Variants in UBE3A observed in about 807,000 individuals in gnomAD.
The protein encoded by UBE3A is ubiquitin-protein ligase E3A.
UBE3A carries 6 observed loss-of-function variants against 83.4 expected under a neutral mutation model. The observed-to-expected ratio is 0.07, with a 90% CI of 0.04 to 0.14. The LOEUF (loss-of-function observed/expected upper bound fraction) is 0.14. Ranked by LOEUF, UBE3A falls within the 10% of genes least tolerant of loss-of-function variation. The pLI is 1.00. For synonymous variants in UBE3A, 337 were observed against 355.4 expected (o/e 0.95, Z 0.58); for missense variants, 456 against 1,036.1 (o/e 0.44, Z 7.69).
At chr15:25,397,402 CATCT>C (rs1196200732) in intron 4 of UBE3A, among the ~76,000 whole-genome samples, 3 of 152,282 alleles carry the variant, frequency 2.0e-5, no homozygotes, top group African/African-American at 7.2e-5. Context: ...ATGCAAGCTT[CATCT>C]ATCCTCTTCC....
chr15:25,384,399 T>G (rs1450427025), intron 4 of UBE3A, among the ~76,000 whole-genome samples: 1 of 142,650 alleles, frequency 7.0e-6, no homozygotes, highest in Non-Finnish European at 1.5e-5. Flanking sequence ...GAGGCAGAGG[T>G]GCAGTGAGCC....
At chr15:25,437,908 C>G (rs1895615710) in intron 1 of UBE3A, 1 of 152,370 alleles carries the variant, frequency 6.6e-6, no homozygotes, top group East Asian at 1.9e-4. Context: ...ACAGCAGTCT[C>G]TGGCAAAGCC....
intron 4 of UBE3A, among the ~76,000 whole-genome samples, chr15:25,382,975 ACT>A (rs2082455902): frequency 6.6e-6 from 1 of 151,748 alleles, no homozygotes; most frequent in Non-Finnish European, 1.5e-5. Context: ...TTCACTGAAA[ACT>A]CTACCAAACA....
In UBE3A at chr15:25,371,272, A is replaced by G; in HGVS notation, c.902T>C (p.Met301Thr). Reference protein sequence around the residue: ...RNLHSPEYLEMALPLFCKAMS... With the variant: ...RNLHSPEYLETALPLFCKAMS... The stretch of plus-strand genomic sequence containing the variant: ...CGCTTTGCAAAATAATGGCAAAGCC[A>G]TTTCCAGATATTCAGGACTGTGGAG... The change falls in exon 6 of 13, where the codon ATG becomes ACG. Residue 301 changes from methionine (M) to threonine (T), a missense_variant. Transcript: ENST00000648336. The surrounding 1 kb of genome is among the most constrained non-coding windows in gnomAD (Gnocchi z 5.3). The G allele has an allele frequency of 6.2e-7, 1 of 1,614,186 alleles. No homozygotes were observed. Among genetic ancestry groups the G allele is most frequent in the South Asian group, 1.1e-5 (1 of 91,082 alleles).
chr15:25,404,622 A>G (rs956497549), intron 4 of UBE3A, among the ~76,000 whole-genome samples: 21 of 152,066 alleles, frequency 1.4e-4, no homozygotes, highest in African/African-American at 4.8e-4. Flanking sequence ...CCTTACCACC[A>G]CACGTTTCTC....
chr15:25,398,167 C>CAAAAAAAAAAAA (rs71127052), intron 4 of UBE3A, among the ~76,000 whole-genome samples: 14 of 99,212 alleles, frequency 1.4e-4, no homozygotes, highest in African/African-American at 7.0e-4. Context: ...GACTCTGTCT[C>CAAAAAAAAAAAA]AAAAAAAAAA....
At chr15:25,385,026 G>T (rs1179383661) in intron 4 of UBE3A, among the ~76,000 whole-genome samples, 1 of 152,144 alleles carries the variant, frequency 6.6e-6, no homozygotes, top group Non-Finnish European at 1.5e-5. Context: ...TGGAGAAAAA[G>T]CTTCATGACA....
At chr15:25,413,557 T>C (rs2153096187) in intron 1 of UBE3A, among the ~76,000 whole-genome samples, 1 of 152,324 alleles carries the variant, frequency 6.6e-6, no homozygotes, top group Admixed American at 6.5e-5. Context: ...TTTCTCCTTA[T>C]TCCAGTCCAT....
intron 4 of UBE3A, among the ~76,000 whole-genome samples, chr15:25,377,095 A>C (rs2081350804): frequency 6.6e-6 from 1 of 152,230 alleles, no homozygotes; most frequent in Non-Finnish European, 1.5e-5. Flanking sequence ...TGATTTTCAA[A>C]ACATTCACAG....
chr15:25,437,836 T>C (rs1895573016), intron 1 of UBE3A, among the ~76,000 whole-genome samples: 1 of 150,722 alleles, frequency 6.6e-6, no homozygotes, highest in South Asian at 2.1e-4. Context: ...TCCTTTTCAT[T>C]TTCTACACTG....
intron 4 of UBE3A, among the ~76,000 whole-genome samples, chr15:25,385,761 TC>T: frequency 6.6e-6 from 1 of 152,030 alleles, no homozygotes; most frequent in Non-Finnish European, 1.5e-5. Flanking sequence ...AGCAGAAACC[TC>T]CACGGGGTAG....
intron 4 of UBE3A, among the ~76,000 whole-genome samples, chr15:25,400,802 G>T (rs1263081796): frequency 6.6e-6 from 1 of 152,082 alleles, no homozygotes; most frequent in Admixed American, 6.6e-5. Flanking sequence ...TCTTTCTCTT[G>T]CCTAATTGCT....
intron 6 of UBE3A, among the ~76,000 whole-genome samples, chr15:25,366,886 T>C (rs940131523): frequency 1.3e-5 from 2 of 152,138 alleles, no homozygotes; most frequent in East Asian, 1.9e-4. Flanking sequence ...TTCAGATTCA[T>C]AGGCTCTACA....
chr15:25,340,462 T>TA (rs1223597689), intron 11 of UBE3A, among the ~76,000 whole-genome samples: 2 of 152,184 alleles, frequency 1.3e-5, no homozygotes, highest in African/African-American at 2.4e-5. Context: ...ACTACAATAG[T>TA]AAAAAATTGA....
rs192876640 is a variant in UBE3A at position 25,387,159 on chromosome 15, C to T, written c.63-11396G>A. 6.2e-3 allele frequency among the ~76,000 whole-genome samples: 948 copies of T among 152,256 alleles called. 4 individuals are homozygous for T. Among genetic ancestry groups the T allele is most frequent in the Non-Finnish European group, 9.1e-3 (618 of 68,006 alleles). On this transcript the variant is annotated intron_variant, in intron 4 of 12. Coordinates refer to ENST00000648336, the MANE Select transcript of UBE3A (RefSeq NM_130839.5). The stretch of plus-strand genomic sequence containing the variant: ...AAAATATCATGAAAACACAACTTAT[C>T]CAAATTTGTGGGATACAGTGAAAGC...
Position 25,428,465 on chromosome 15 carries a change from T to C in UBE3A, c.-165+10024A>G, listed in dbSNP as rs147545258. Among the ~76,000 whole-genome samples the C allele has an allele frequency of 3.3e-5, 5 of 152,266 alleles. No homozygotes were observed. In the East Asian group the frequency reaches 7.7e-4, roughly 24 times the overall value. ...TAAGGCTCATACTACCAGAGAATACTACAATGGGCAGGATTTTATATTTTA... is the reference window on the plus strand; with the variant it reads ...TAAGGCTCATACTACCAGAGAATACCACAATGGGCAGGATTTTATATTTTA... On this transcript the variant is annotated intron_variant, in intron 1 of 12. Coordinates refer to ENST00000648336, the MANE Select transcript of UBE3A (RefSeq NM_130839.5).
intron 2 of UBE3A, among the ~76,000 whole-genome samples, chr15:25,411,462 C>T (rs942228681): frequency 3.3e-5 from 5 of 152,242 alleles, no homozygotes; most frequent in African/African-American, 7.2e-5. Flanking sequence ...TGGTGGCACA[C>T]GCCTGTAATC....
At chr15:25,418,444 A>C (rs1426127294) in intron 1 of UBE3A, 1 of 152,200 alleles carries the variant, frequency 6.6e-6, no homozygotes, top group African/African-American at 2.4e-5. Context: ...AAACCACCGA[A>C]ACATTCAACA....
chr15:25,341,306 C>T (rs1484711837), intron 11 of UBE3A, among the ~76,000 whole-genome samples: 5 of 151,620 alleles, frequency 3.3e-5, no homozygotes, highest in African/African-American at 7.3e-5. Context: ...CTCCTGACCT[C>T]GTGATCCGCC....
Sources: allele counts gnomAD v4.1 joint callset (sites outside exome capture counted in the v4.1 genomes callset), GRCh38; gene constraint gnomAD v4.1.1; non-coding constraint Gnocchi (gnomAD v3.1); transcripts MANE v1.5; gene names NCBI Gene and HGNC (gene_info 2026-07-23, HGNC 2026-07-21).